The following IRF7 variants were observed in gnomAD, a reference collection of about 807,000 sequenced individuals.
The protein encoded by IRF7 is interferon regulatory factor-7H.
Under a neutral mutation model 51.3 loss-of-function variants are expected in IRF7, and 67 were observed. That is an observed-to-expected ratio of 1.31 (90% confidence interval 1.07 to 1.60). The LOEUF (loss-of-function observed/expected upper bound fraction) is 1.60. IRF7 is among the 40% of genes most tolerant of loss of function. The pLI, the probability that IRF7 is intolerant of heterozygous loss-of-function variation, is 0.00. For missense variants in IRF7, 873 were observed against 701.5 expected (o/e 1.24, Z -2.76); for synonymous variants, 427 against 301.3 (o/e 1.42, Z -4.32).
At position 613,598 on chromosome 11, in the gene IRF7, G is replaced by A. The variant is rs753330396; in HGVS notation, c.848-3C>T. 5.8e-6 allele frequency: 9 copies of A among 1,543,908 alleles called. No individual in the cohort carries two copies. The African/African-American group carries it at 1.1e-4, about 19-fold the overall frequency. On this transcript the variant is annotated splice_region_variant and splice_polypyrimidine_tract_variant and intron_variant, in intron 8 of 10. Coordinates refer to ENST00000525445, the MANE Select transcript of IRF7 (RefSeq NM_001572.5). ...GTCCAGCGCCCCTGGGCTGGGCTCT[G>A]TGTGGAGACCAAGCTGTGAGTGACG...
In IRF7 at chr11:612,606, G is replaced by A; in HGVS notation, c.*39C>T. 6.2e-7 allele frequency: 1 copy of A among 1,608,052 alleles called. No individual in the cohort carries two copies. The highest frequency in any genetic ancestry group is 8.5e-7 in the Non-Finnish European group (1 of 1,177,866). On this transcript the variant is annotated 3_prime_UTR_variant, in exon 11 of 11. Transcript: ENST00000525445. ...GGGCGGCCGCGGCCAGCTCTAGGTG[G>A]GCTGCTCCAGCTTTCTGGAGTTCTC...
chr11:614,728 A>G, intron 4 of IRF7, 69 bp downstream of exon 4: 1 of 1,474,550 alleles, frequency 6.8e-7, no homozygotes, highest in Non-Finnish European at 9.1e-7. Context: ...CACAAATCTG[A>G]CCCAGAGAAT....
chr11:612,954 T>TG, intron 10 of IRF7, 45 bp downstream of exon 10: 5 of 1,594,980 alleles, frequency 3.1e-6, no homozygotes, highest in Non-Finnish European at 4.3e-6. Context: ...CGTCTGTCAG[T>TG]GGGCCTGAGC....
chr11:615,525 C>G lies in IRF7; in HGVS notation c.-161G>C. On this transcript the variant is annotated 5_prime_UTR_variant, in exon 2 of 11. Transcript: ENST00000525445. ...GAGGGCTTGTAGCCACCGACGCTGC[C>G]TCGGTATGGATCTCTTGGCAGAGGG... is the stretch of plus-strand genomic sequence containing the variant. The G allele has an allele frequency of 1.3e-6, 1 of 757,244 alleles. No homozygotes were observed. Among genetic ancestry groups the G allele is most frequent in the Non-Finnish European group, 2.0e-6 (1 of 493,912 alleles). The allele number at this position is 757,244 out of a possible 1,614,324, so 46.9% of individuals were successfully genotyped here. A position where few individuals can be genotyped will look rare whatever the true frequency, so the allele number is the denominator to read the frequency against.
chr11:615,052 AGGC>A (rs1856752872), intron 3 of IRF7, 42 bp downstream of exon 3: 1 of 1,557,204 alleles, frequency 6.4e-7, no homozygotes. Flanking sequence ...GCGGGGTCCT[AGGC>A]GGGCTCTCCC....
chr11:615,141 A>C lies in IRF7; in HGVS notation c.139T>G (p.Phe47Val). ...GCCTCGCTCAGGTCCTTGCGCGCGA[A>C]GTGCTTCCAGGGCACGCGGAAACAG... ...RTCFRVPWKH[F>V]ARKDLSEADA... Residue 47 changes from phenylalanine (F) to valine (V), a missense_variant, in exon 3 of 11, where the codon TTC becomes GTC. Phe to Val is a conservative substitution (Grantham distance 50). Transcript: ENST00000525445. 2 of 1,603,258 alleles carry C rather than the reference A, an allele frequency of 1.2e-6. No individual in the cohort carries two copies. The highest frequency in any genetic ancestry group is 1.7e-6 in the Non-Finnish European group (2 of 1,179,140).
chr11:614,053 C>A lies in IRF7; in HGVS notation c.680-16G>T, dbSNP rs182170955. 1 of 1,601,338 alleles carries A rather than the reference C, an allele frequency of 6.2e-7. No individual in the cohort carries two copies. Among genetic ancestry groups the A allele is most frequent in the Admixed American group, 1.7e-5 (1 of 58,952 alleles). On this transcript the variant is annotated splice_polypyrimidine_tract_variant and intron_variant, in intron 6 of 10. Coordinates refer to ENST00000525445, the MANE Select transcript of IRF7 (RefSeq NM_001572.5). Reference sequence around the variant, plus strand: ...AGCCCTGGGCCTGAGGAGGGGAGGACAGTGGGAACGGTGGTCCCCTCCTAA... The same window carrying A: ...AGCCCTGGGCCTGAGGAGGGGAGGAAAGTGGGAACGGTGGTCCCCTCCTAA...
chr11:615,207 C>G lies in IRF7; in HGVS notation c.73G>C (p.Gly25Arg). Residue 25 changes from glycine (G) to arginine (R), a missense_variant, in exon 3 of 11, where the codon GGC becomes CGC. Physicochemically the swap from Gly to Arg is moderately radical, Grantham distance 125. Transcript: ENST00000525445. The part of the protein sequence containing the change: ...GEWLLGEISS[G>R]CYEGLQWLDE... ...AGCCACTGCAGCCCCTCATAGCAGC[C>G]GCTGCTGATCTCTCCAAGGAGCCAC... 3 of 1,599,468 alleles carry G rather than the reference C, an allele frequency of 1.9e-6. No individual in the cohort carries two copies. The highest frequency in any genetic ancestry group is 2.5e-6 in the Non-Finnish European group (3 of 1,176,732).
At position 613,114 on chromosome 11, in the gene IRF7, A is replaced by G. The variant is rs755896373; in HGVS notation, c.1241T>C (p.Leu414Pro). Residue 414 changes from leucine to proline, a missense_variant, in exon 10 of 11, where the codon CTG becomes CCG. Coordinates refer to ENST00000525445, the MANE Select transcript of IRF7 (RefSeq NM_001572.5). ...GCGCTGCCGTGCCCGGAATTCCACC[A>G]GCTCTGAAGAAGGGGACTCTGCTGA... is the stretch of plus-strand genomic sequence containing the variant. ...IFDFRVFFQE[L>P]VEFRARQRRG... 4.3e-6 allele frequency: 7 copies of G among 1,612,742 alleles called. No homozygotes were observed. Among genetic ancestry groups the G allele is most frequent in the Non-Finnish European group, 5.9e-6 (7 of 1,179,876 alleles).
In IRF7 at chr11:615,639, G is replaced by A. The variant is rs1856800986; in HGVS notation, c.-275C>T. 4.9e-6 allele frequency: 2 copies of A among 411,278 alleles called. No homozygotes were observed. Among genetic ancestry groups the A allele is most frequent in the Non-Finnish European group, 8.6e-6 (2 of 233,352 alleles). 25.5% of individuals were successfully genotyped at this position (411,278 alleles called of 1,614,324 possible). Reference sequence around the variant, plus strand: ...TGTCCAGGCCTGGCGGGAAGGCGCAGGCCGGACCCTGCGGAGACGGGAAAG... The same window carrying A: ...TGTCCAGGCCTGGCGGGAAGGCGCAAGCCGGACCCTGCGGAGACGGGAAAG... On this transcript the variant is annotated 5_prime_UTR_variant, in exon 2 of 11. Coordinates refer to ENST00000525445, the MANE Select transcript of IRF7 (RefSeq NM_001572.5).
chr11:615,244 C>T lies in IRF7; in HGVS notation c.36G>A (p.Val12=), dbSNP rs777459059. 1 of 1,585,792 alleles carries T rather than the reference C, an allele frequency of 6.3e-7. No homozygotes were observed. Among genetic ancestry groups the T allele is most frequent in the African/African-American group, 1.3e-5 (1 of 74,574 alleles). Residue 12 remains valine, a synonymous_variant, in exon 3 of 11, where the codon GTG becomes GTA. Transcript: ENST00000525445. The part of the protein sequence containing the change: ...ALAPERAAPR[V]LFGEWLLGEI... ...CTCCAAGGAGCCACTCTCCGAACAG[C>T]ACGCGTGGGGCTGCCCTGCGGGTGC...
At chr11:613,907 G>C in intron 7 of IRF7, 42 bp from the exon 8 acceptor site, 1 of 1,598,878 alleles carries the variant, frequency 6.3e-7, no homozygotes, top group South Asian at 1.1e-5. Flanking sequence ...CTCATCCCTA[G>C]CCTCTCCCTG....
At position 613,307 on chromosome 11, in the gene IRF7, T is replaced by C; in HGVS notation, c.1136A>G (p.Glu379Gly). The C allele has an allele frequency of 6.2e-7, 1 of 1,611,438 alleles. No homozygotes were observed. The highest frequency in any genetic ancestry group is 8.5e-7 in the Non-Finnish European group (1 of 1,179,488). ...GGCGGAGCCTGGGGGTCCGCCCACC[T>C]CCCAGTACACCTTGCACTTGCCCAT... ...RRMGKCKVYW[E>G]VGGPPGSASP... Residue 379 changes from glutamate to glycine, a missense_variant, in exon 9 of 11, where the codon GAG becomes GGG. Coordinates refer to ENST00000525445, the MANE Select transcript of IRF7 (RefSeq NM_001572.5).
rs771649294 is a variant in IRF7, at chr11:613,315, C to T, written c.1128G>A (p.Val376=). The change falls in exon 9 of 11, where the codon GTG becomes GTA. Residue 376 remains valine, a synonymous_variant. Transcript: ENST00000525445. ...LWARRMGKCK[V]YWEVGGPPGS... ...CTGGGGGTCCGCCCACCTCCCAGTA[C>T]ACCTTGCACTTGCCCATGCGCCGGG... 3.7e-6 allele frequency: 6 copies of T among 1,611,798 alleles called. No homozygotes were observed. In the Admixed American group the frequency reaches 6.7e-5, roughly 18 times the overall value.
intron 4 of IRF7, 100 bp downstream of exon 4, chr11:614,697 T>C: frequency 7.0e-7 from 1 of 1,419,050 alleles, no homozygotes; most frequent in South Asian, 1.3e-5. Context: ...TGGCAGCCTC[T>C]CCCAGAACAG....
rs781763496 is a variant in IRF7 at position 613,136 on chromosome 11, C to T, written c.1238-19G>A. Reference sequence around the variant, plus strand: ...ACCAGCTCTGAAGAAGGGGACTCTGCTGAGTACCTGGCAGGCAGGTGCTCC... The same window carrying T: ...ACCAGCTCTGAAGAAGGGGACTCTGTTGAGTACCTGGCAGGCAGGTGCTCC... On this transcript the variant is annotated intron_variant, in intron 9 of 10. Coordinates refer to ENST00000525445, the MANE Select transcript of IRF7 (RefSeq NM_001572.5). 95 of 1,610,378 alleles carry T rather than the reference C, an allele frequency of 5.9e-5. No individual in the cohort carries two copies. The highest frequency in any genetic ancestry group is 3.3e-4 in the Middle Eastern group (2 of 6,070).
In IRF7 at chr11:614,768, C is replaced by G. The variant is rs1318556710; in HGVS notation, c.394+29G>C. ...CCCTTTGCCCAAGCAGGACGAATGC[C>G]AACGCCCTTGGCAGCCGGCGTCGCT... On this transcript the variant is annotated intron_variant, in intron 4 of 10. Coordinates refer to ENST00000525445, the MANE Select transcript of IRF7 (RefSeq NM_001572.5). 3.9e-6 allele frequency: 6 copies of G among 1,522,276 alleles called. No individual in the cohort carries two copies. The Admixed American group carries it at 1.1e-4, about 27-fold the overall frequency. 94.3% of individuals were successfully genotyped at this position (1,522,276 alleles called of 1,614,324 possible).
rs761605271 is a variant in IRF7 at position 614,462 on chromosome 11, A to G, written c.453+14T>C. The G allele has an allele frequency of 4.6e-5, 72 of 1,570,116 alleles. No homozygotes were observed. The highest frequency in any genetic ancestry group is 5.8e-5 in the Non-Finnish European group (67 of 1,157,344). ...CGGCCTGGCAGGAGGAGAGGCAGGC[A>G]GAGAGAAGGGTACCTGTGGTGGTGG... On this transcript the variant is annotated intron_variant, in intron 5 of 10. Transcript: ENST00000525445.
In IRF7 at chr11:613,482, C is replaced by G. The variant is rs760985507; in HGVS notation, c.961G>C (p.Val321Leu). ...TFLYGPPDPA[V>L]RATDPQQVAF... is the part of the protein sequence containing the mutation. ...ACCTGCTGGGGGTCTGTGGCCCGGACAGCTGGGTCTGGGGGGCCGTATAGG... is the reference window on the plus strand; with the variant it reads ...ACCTGCTGGGGGTCTGTGGCCCGGAGAGCTGGGTCTGGGGGGCCGTATAGG... The change falls in exon 9 of 11, where the codon GTC becomes CTC. Residue 321 changes from valine to leucine, a missense_variant. Transcript: ENST00000525445. 1 of 1,543,320 alleles carries G rather than the reference C, an allele frequency of 6.5e-7. No homozygotes were observed. Among genetic ancestry groups the G allele is most frequent in the Non-Finnish European group, 8.7e-7 (1 of 1,146,576 alleles).
Sources: gnomAD v4.1 joint callset for allele counts on GRCh38, gnomAD v4.1.1 for gene constraint, MANE v1.5 for transcripts, NCBI Gene and HGNC (gene_info 2026-07-23, HGNC 2026-07-21) for gene names.